SORBS2: variants seen among roughly 807,000 people sequenced by gnomAD.
SORBS2 encodes the protein sorbin and SH3 domain containing 2, also known as sorbin and SH3 domain-containing protein 2.
In SORBS2, 46 loss-of-function variants were observed where a neutral mutation model predicts 97.7. That is an observed-to-expected ratio of 0.47 (90% confidence interval 0.37 to 0.60). SORBS2 has a LOEUF of 0.60. Among genes scored for constraint, SORBS2 ranks in the 20% least tolerant of loss-of-function variants. The probability of loss-of-function intolerance (pLI) is 0.00; values close to 1 mark genes in which losing one functional copy is unlikely to be tolerated. For missense variants in SORBS2, 1,316 were observed against 1,282.3 expected, an observed-to-expected ratio of 1.03 and a Z score of -0.40; for synonymous variants, 476 against 473.4, an observed-to-expected ratio of 1.01 and a Z score of -0.07.
At chr4:185,865,430 T>C (rs980172621) in intron 1 of SORBS2, among the ~76,000 whole-genome samples, 10 of 152,168 alleles carry the variant, frequency 6.6e-5, no homozygotes, top group African/African-American at 2.4e-4. Context: ...TGAAGTGTCA[T>C]ATGCAAACCT....
intron 1 of SORBS2, among the ~76,000 whole-genome samples, chr4:185,843,303 G>A (rs1443698809): frequency 6.6e-6 from 1 of 152,130 alleles, no homozygotes; most frequent in Non-Finnish European, 1.5e-5. Flanking sequence ...CAAGGAAAAG[G>A]TATCCACTTT....
At chr4:185,867,605 AG>A (rs1424383242) in intron 1 of SORBS2, among the ~76,000 whole-genome samples, 2 of 152,200 alleles carry the variant, frequency 1.3e-5, no homozygotes, top group African/African-American at 4.8e-5. Flanking sequence ...CTCAAATTTG[AG>A]TTCAACCATT....
At chr4:185,923,470 TAA>T (rs1491517316) in intron 1 of SORBS2, among the ~76,000 whole-genome samples, 4 of 110,992 alleles carry the variant, frequency 3.6e-5, no homozygotes, top group Non-Finnish European at 5.8e-5. Flanking sequence ...TTCTTTTTTT[TAA>T]TTTTTTTTTT....
intron 2 of SORBS2, among the ~76,000 whole-genome samples, chr4:185,737,101 G>A (rs1055093641): frequency 6.6e-6 from 1 of 152,168 alleles, no homozygotes. Flanking sequence ...GCTCACTGGT[G>A]TCAGAATTGC....
At chr4:185,669,483 A>G (rs1004452526) in intron 4 of SORBS2, among the ~76,000 whole-genome samples, 2 of 152,146 alleles carry the variant, frequency 1.3e-5, no homozygotes, top group African/African-American at 4.8e-5. Context: ...TCACTTGCTG[A>G]CACAGCAGAT....
At chr4:185,899,606 A>T (rs2099246618) in intron 1 of SORBS2, among the ~76,000 whole-genome samples, 3 of 151,856 alleles carry the variant, frequency 2.0e-5, no homozygotes, top group Admixed American at 2.0e-4. Context: ...CCACCTAACA[A>T]CCAACTACGC....
chr4:185,909,045 G>A (rs1384678154), intron 1 of SORBS2, among the ~76,000 whole-genome samples: 1 of 151,952 alleles, frequency 6.6e-6, no homozygotes, highest in African/African-American at 2.4e-5. Flanking sequence ...TCCCACCACT[G>A]GGTTTCTACC....
At chr4:185,943,753 GA>G (rs2099273217) in intron 1 of SORBS2, among the ~76,000 whole-genome samples, 1 of 152,280 alleles carries the variant, frequency 6.6e-6, no homozygotes, top group East Asian at 1.9e-4. Flanking sequence ...GGTTATATTA[GA>G]AAACTATTAA....
intron 1 of SORBS2, among the ~76,000 whole-genome samples, chr4:185,938,632 C>A (rs1240540213): frequency 6.6e-6 from 1 of 152,048 alleles, no homozygotes; most frequent in African/African-American, 2.4e-5. Context: ...TCATTCCAGG[C>A]AACTTATCCT....
At chr4:185,798,042 G>A (rs1454640121) in intron 1 of SORBS2, among the ~76,000 whole-genome samples, 2 of 152,226 alleles carry the variant, frequency 1.3e-5, no homozygotes, top group East Asian at 1.9e-4. Context: ...GTAGCAAGTC[G>A]ACTAGTCACC....
chr4:185,615,181 G>C, intron 9 of SORBS2, 22 bp from the exon 22 acceptor site: 2 of 1,403,840 alleles, frequency 1.4e-6, no homozygotes, highest in Non-Finnish European at 2.0e-6. Flanking sequence ...ACGTTGACAT[G>C]GTCTTTTTGT....
intron 5 of SORBS2, among the ~76,000 whole-genome samples, chr4:185,627,922 A>G (rs1246008652): frequency 6.6e-6 from 1 of 152,134 alleles, no homozygotes; most frequent in Non-Finnish European, 1.5e-5. Context: ...CCCAGTTGAT[A>G]TCATGCAGAA....
chr4:185,605,678 G>A (rs376505106), intron 12 of SORBS2, among the ~76,000 whole-genome samples: 16 of 151,630 alleles, frequency 1.1e-4, no homozygotes, highest in East Asian at 1.9e-4. Context: ...TCCTCCTCCC[G>A]GGTTCAAGTG....
intron 1 of SORBS2, among the ~76,000 whole-genome samples, chr4:185,848,491 G>A (rs1046739644): frequency 5.3e-5 from 8 of 151,962 alleles, no homozygotes; most frequent in East Asian, 3.8e-4. Flanking sequence ...AAATTCAAAT[G>A]GATGCAAATT....
chr4:185,840,329 A>C (rs1440810332), intron 1 of SORBS2, among the ~76,000 whole-genome samples: 1 of 152,206 alleles, frequency 6.6e-6, no homozygotes, highest in Non-Finnish European at 1.5e-5. Context: ...GACCAAAAAT[A>C]TCTCTCATTC....
chr4:185,813,584 T>C (rs2099190648), intron 1 of SORBS2, among the ~76,000 whole-genome samples: 1 of 152,240 alleles, frequency 6.6e-6, no homozygotes, highest in African/African-American at 2.4e-5. Flanking sequence ...CCTCCCATTC[T>C]ACTATTCACT....
chr4:185,937,470 T>C (rs187909387), intron 1 of SORBS2, among the ~76,000 whole-genome samples: 1 of 152,170 alleles, frequency 6.6e-6, no homozygotes, highest in African/African-American at 2.4e-5. Flanking sequence ...AATCTTAAGG[T>C]TGATGGGCAC....
At chr4:185,926,653 T>G (rs932112510) in intron 1 of SORBS2, among the ~76,000 whole-genome samples, 18 of 152,124 alleles carry the variant, frequency 1.2e-4, no homozygotes, top group African/African-American at 3.9e-4. Flanking sequence ...TATTTTATAT[T>G]AGTATAATTT....
At chr4:185,857,105 G>C (rs570574614) in intron 1 of SORBS2, among the ~76,000 whole-genome samples, 10 of 152,290 alleles carry the variant, frequency 6.6e-5, no homozygotes, top group African/African-American at 2.2e-4. Flanking sequence ...TTAGTATGGG[G>C]CTCCCATGAT....
Sources: gnomAD v4.1 joint callset for allele counts (sites outside exome capture counted in the v4.1 genomes callset) on GRCh38, gnomAD v4.1.1 for gene constraint, MANE v1.5 for transcripts, NCBI Gene and HGNC (gene_info 2026-07-23, HGNC 2026-07-21) for gene names.